The following BCR variants were observed in gnomAD, a reference collection of about 807,000 sequenced individuals.
BCR encodes the protein BCR activator of RhoGEF and GTPase.
In BCR, 58 loss-of-function variants were observed where a neutral mutation model predicts 138.6. The observed-to-expected ratio is 0.42, with a 90% confidence interval of 0.34 to 0.52. The LOEUF is 0.52. BCR is among the 20% of genes least tolerant of loss of function. The pLI, the probability that BCR is intolerant of heterozygous loss-of-function variation, is 0.06. For synonymous variants in BCR, 786 were observed against 730.1 expected, an observed-to-expected ratio of 1.08 and a Z score of -1.23; for missense variants, 1,599 against 1,727.2, an observed-to-expected ratio of 0.93 and a Z score of 1.32.
rs1038870639 is a variant in BCR at position 23,284,039 on chromosome 22, C to T, written c.2178C>T (p.Arg726=). ...TGGTGGAGGGGGCCCGCAAGCTGCG[C>T]CACGTCTTCCTGTTCACCGACCTGC... ...VELVEGARKL[R]HVFLFTDLLL... Residue 726 remains arginine, a synonymous_variant, in exon 9 of 23, where the codon CGC becomes CGT. Transcript: ENST00000305877. 8.7e-6 allele frequency: 14 copies of T among 1,608,546 alleles called. No homozygotes were observed. In the Middle Eastern group the frequency reaches 6.6e-4, roughly 76 times the overall value.
Position 23,288,165 on chromosome 22 carries a change from G to C in BCR, c.2595G>C (p.Gln865His). The change falls in exon 12 of 23, where the codon CAG (glutamine) becomes CAC (histidine). Residue 865 changes from glutamine to histidine, a missense_variant. Gln to His is a conservative substitution (Grantham distance 24). Transcript: ENST00000305877. ...GGAGGGAGAACATCCGGGAGCAGCA[G>C]AAGAAGTGTGAGTATCCTCTGTCCT... ...AEWRENIREQ[Q>H]KKCFRSFSLT... is the part of the protein sequence containing the mutation. The C allele has an allele frequency of 1.2e-6, 2 of 1,613,992 alleles. No individual in the cohort carries two copies. Among genetic ancestry groups the C allele is most frequent in the Non-Finnish European group, 1.7e-6 (2 of 1,179,868 alleles).
intron 16 of BCR, among the ~76,000 whole-genome samples, chr22:23,299,316 TCCTATGGGCGCCTCTG>T (rs2073879164): frequency 6.6e-6 from 1 of 152,164 alleles, no homozygotes; most frequent in Non-Finnish European, 1.5e-5. Context: ...TAAGTTTCTC[TCCTATGGGCGCCTCTG>T]CCACATGGAC....
rs535504046 is a variant in BCR at position 23,220,844 on chromosome 22, G to A, written c.1280-32955G>A. ...AGTTTGCACTGTGGGCTTCCAGGGAGATTTATTTCATGCCATGGTTCCCCT... is the reference window on the plus strand; with the variant it reads ...AGTTTGCACTGTGGGCTTCCAGGGAAATTTATTTCATGCCATGGTTCCCCT... On this transcript the variant is annotated intron_variant, in intron 1 of 22. Transcript: ENST00000305877. Among the ~76,000 whole-genome samples the A allele has an allele frequency of 1.1e-4, 17 of 152,288 alleles. No homozygotes were observed. The South Asian group carries it at 3.3e-3, about 30-fold the overall frequency.
rs1277128658 is a variant in BCR, at chr22:23,271,581, A to G, written c.1910A>G (p.Asn637Ser). The G allele has an allele frequency of 6.2e-7, 1 of 1,613,748 alleles. No individual in the cohort carries two copies. Among genetic ancestry groups the G allele is most frequent in the South Asian group, 1.1e-5 (1 of 91,060 alleles). ...NKDAKDPTTK[N>S]SLETLLYKPV... ...GATGCCAAGGATCCAACGACCAAGAACTCTCTGGAAAGTGAGTTCTGCATG... is the reference window on the plus strand; with the variant it reads ...GATGCCAAGGATCCAACGACCAAGAGCTCTCTGGAAAGTGAGTTCTGCATG... The change falls in exon 6 of 23, where the codon AAC becomes AGC. Residue 637 changes from asparagine (N) to serine (S), a missense_variant. By Grantham distance (46) the Asn-to-Ser change is conservative. This residue lies in a region of BCR where 590 missense variants were observed against 762.4 expected (regional missense o/e 0.77). Coordinates refer to ENST00000305877, the MANE Select transcript of BCR (RefSeq NM_004327.4).
At chr22:23,184,065 A>AT (rs966387435) in intron 1 of BCR, among the ~76,000 whole-genome samples, 3 of 151,788 alleles carry the variant, frequency 2.0e-5, no homozygotes, top group African/African-American at 4.8e-5. Flanking sequence ...ATTAGGTTTT[A>AT]TTTTTTCCCC....
chr22:23,240,468 G>A (rs1048865929), intron 1 of BCR, among the ~76,000 whole-genome samples: 3 of 151,648 alleles, frequency 2.0e-5, no homozygotes, highest in African/African-American at 4.8e-5. Flanking sequence ...TGACTAACAC[G>A]GTGAAACCCC....
At chr22:23,214,255 T>A (rs930743519) in intron 1 of BCR, among the ~76,000 whole-genome samples, 1 of 152,146 alleles carries the variant, frequency 6.6e-6, no homozygotes, top group Non-Finnish European at 1.5e-5. Context: ...AGCTGTCTTT[T>A]TCCATCAGAG....
Position 23,278,729 on chromosome 22 carries a change from G to A in BCR, c.2115+4955G>A, listed in dbSNP as rs184385886. Among the ~76,000 whole-genome samples the A allele has an allele frequency of 1.0e-3, 152 of 152,024 alleles. 1 individual carries two copies. Among genetic ancestry groups the A allele is most frequent in the African/African-American group, 3.4e-3 (140 of 41,498 alleles). ...AGCCTGGGCAACAGAGTGAAATTCC[G>A]TCTCAAAAAAAAAGAGTTGGAAAAC... On this transcript the variant is annotated intron_variant, in intron 8 of 22. Coordinates refer to ENST00000305877, the MANE Select transcript of BCR (RefSeq NM_004327.4).
chr22:23,277,301 C>T (rs1286862484), intron 8 of BCR, among the ~76,000 whole-genome samples: 1 of 152,200 alleles, frequency 6.6e-6, no homozygotes, highest in Non-Finnish European at 1.5e-5. Context: ...GTGTCTTGCC[C>T]AGTCACACAG....
Position 23,181,904 on chromosome 22 carries a change from C to G in BCR, c.944C>G (p.Ser315Cys). Residue 315 changes from serine to cysteine, a missense_variant, in exon 1 of 23, where the codon TCC (serine) becomes TGC (cysteine). Physicochemically the swap from Ser to Cys is moderately radical, Grantham distance 112 (BLOSUM62 -1). Transcript: ENST00000305877. Reference protein sequence around the residue: ...QEKRLTWPRRSYSPRSFEDCG... With the variant: ...QEKRLTWPRRCYSPRSFEDCG... ...AAGCGCCTTACCTGGCCCCGCAGGT[C>G]CTACTCCCCCCGGAGTTTTGAGGAT... 1 of 1,613,498 alleles carries G rather than the reference C, an allele frequency of 6.2e-7. No homozygotes were observed. The highest frequency in any genetic ancestry group is 1.3e-5 in the African/African-American group (1 of 75,050).
chr22:23,244,958 G>T (rs1410587481), intron 1 of BCR, among the ~76,000 whole-genome samples: 1 of 152,182 alleles, frequency 6.6e-6, no homozygotes. Flanking sequence ...TGGAGACAGG[G>T]GATGGTCCTT....
chr22:23,198,365 C>G, intron 1 of BCR: 1 of 448,250 alleles, frequency 2.2e-6, no homozygotes, highest in Non-Finnish European at 4.3e-6. Flanking sequence ...GGAGATTATT[C>G]CAAGTAGGGG....
intron 12 of BCR, among the ~76,000 whole-genome samples, 164 bp from the exon 13 acceptor site, chr22:23,289,353 A>T (rs553933870): frequency 6.6e-6 from 1 of 152,222 alleles, no homozygotes; most frequent in African/African-American, 2.4e-5. Context: ...CCGCCAGACC[A>T]GCACTGCACT....
In BCR at chr22:23,182,050, C is replaced by T. The variant is rs1252213705; in HGVS notation, c.1090C>T (p.Arg364Trp). 9 of 1,613,522 alleles carry T rather than the reference C, an allele frequency of 5.6e-6. No homozygotes were observed. The highest frequency in any genetic ancestry group is 1.1e-5 in the South Asian group (1 of 91,080). ...SPSPTTYRMF[R>W]DKSRSPSQNS... ...AAGCCCCACCACCTACCGCATGTTC[C>T]GGGACAAAAGCCGCTCTCCCTCGCA... The change falls in exon 1 of 23, where the codon CGG becomes TGG. Residue 364 changes from arginine (R) to tryptophan (W), a missense_variant. By Grantham distance (101) the Arg-to-Trp change is moderately radical. Coordinates refer to ENST00000305877, the MANE Select transcript of BCR (RefSeq NM_004327.4).
At chr22:23,206,561 A>G (rs1439401933) in intron 1 of BCR, among the ~76,000 whole-genome samples, 1 of 150,612 alleles carries the variant, frequency 6.6e-6, no homozygotes, top group African/African-American at 2.5e-5. Context: ...TGGGCAACAT[A>G]GCGAGACTCC....
intron 8 of BCR, 120 bp from the exon 9 acceptor site, chr22:23,283,856 GA>G (rs2073678153): frequency 3.7e-6 from 5 of 1,346,544 alleles, no homozygotes; most frequent in Non-Finnish European, 4.9e-6. Flanking sequence ...TGGAGGGAGT[GA>G]AATCTTCCCA....
chr22:23,221,180 T>C (rs1266126005), intron 1 of BCR, among the ~76,000 whole-genome samples: 1 of 152,194 alleles, frequency 6.6e-6, no homozygotes, highest in Non-Finnish European at 1.5e-5. Context: ...CTCCCTCTTT[T>C]ACAAATTGGA....
chr22:23,237,719 A>T (rs1324885393), intron 1 of BCR, among the ~76,000 whole-genome samples: 1 of 152,184 alleles, frequency 6.6e-6, no homozygotes, highest in East Asian at 1.9e-4. Flanking sequence ...GGCGGCGTGA[A>T]GGCCGGCTTC....
Position 23,311,557 on chromosome 22 carries a change from G to C in BCR, c.3183-140G>C, listed in dbSNP as rs959285404. ...CAGAGGGAGGACAGGCATGCAGAAGGCTCTGTGTGCAGCCCCAGACCTGGG... is the reference window on the plus strand; with the variant it reads ...CAGAGGGAGGACAGGCATGCAGAAGCCTCTGTGTGCAGCCCCAGACCTGGG... On this transcript the variant is annotated intron_variant, in intron 18 of 22. Transcript: ENST00000305877. 1.8e-5 allele frequency: 11 copies of C among 622,090 alleles called. No individual in the cohort carries two copies. In the African/African-American group the frequency reaches 2.0e-4, roughly 11 times the overall value. The allele number at this position is 622,090 out of a possible 1,614,324, so 38.5% of individuals were successfully genotyped here.
Sources: gnomAD v4.1 joint callset for allele counts (sites outside exome capture counted in the v4.1 genomes callset) on GRCh38, gnomAD v4.1.1 for gene constraint, gnomAD v4.1.1 regional missense constraint, MANE v1.5 for transcripts, NCBI Gene and HGNC (gene_info 2026-07-23, HGNC 2026-07-21) for gene names.